SLC4A5: variants seen among roughly 807,000 people sequenced by gnomAD.
SLC4A5 encodes the protein electrogenic sodium bicarbonate cotransporter 4.
Under a neutral mutation model 120.4 loss-of-function variants are expected in SLC4A5, and 96 were observed. The observed-to-expected ratio is 0.80, with a 90% confidence interval of 0.68 to 0.94. SLC4A5 has a LOEUF of 0.94. Ranked by LOEUF, SLC4A5 falls within the 40% of genes least tolerant of loss-of-function variation. The probability of loss-of-function intolerance (pLI) is 0.00; values close to 1 mark genes in which losing one functional copy is unlikely to be tolerated. For synonymous variants in SLC4A5, 550 were observed against 571.1 expected, an observed-to-expected ratio of 0.96 and a Z score of 0.53; for missense variants, 1,259 against 1,459.5, an observed-to-expected ratio of 0.86 and a Z score of 2.24.
At chr2:74,276,353 C>T (rs1671639052) in intron 8 of SLC4A5, among the ~76,000 whole-genome samples, 1 of 152,202 alleles carries the variant, frequency 6.6e-6, no homozygotes, top group Non-Finnish European at 1.5e-5. Flanking sequence ...CCTAACACAA[C>T]ATCCCCTCAA....
At chr2:74,318,014 A>G (rs979405763) in intron 5 of SLC4A5, among the ~76,000 whole-genome samples, 1 of 152,366 alleles carries the variant, frequency 6.6e-6, no homozygotes, top group Non-Finnish European at 1.5e-5. Flanking sequence ...AGAAACCATT[A>G]AAACTATGTA....
chr2:74,283,267 C>G (rs73948732), intron 8 of SLC4A5, among the ~76,000 whole-genome samples: 170 of 152,310 alleles, frequency 1.1e-3, no homozygotes, highest in African/African-American at 4.0e-3. Context: ...GCTACTTGCT[C>G]CCCTTCACCT....
intron 6 of SLC4A5, among the ~76,000 whole-genome samples, chr2:74,312,141 A>G (rs969342134): frequency 2.0e-5 from 3 of 151,416 alleles, no homozygotes; most frequent in African/African-American, 7.3e-5. Flanking sequence ...CTTTCTTTTG[A>G]TTAGTGTTAT....
At position 74,231,270 on chromosome 2, in the gene SLC4A5, G is replaced by A. The variant is rs146676551; in HGVS notation, c.2813C>T (p.Thr938Met). The change falls in exon 25 of 31, where the codon ACG becomes ATG. Residue 938 changes from threonine (T) to methionine (M), a missense_variant. Thr to Met is a moderately conservative substitution (Grantham distance 81, BLOSUM62 -1). Coordinates refer to ENST00000394019, the Ensembl canonical transcript of SLC4A5. The stretch of plus-strand genomic sequence containing the variant: ...GGGAGCCAGGAAGACAGAGATTCCC[G>A]TCAGGATGAAGACGATGATGCCGGT... 1.3e-4 allele frequency: 205 copies of A among 1,612,252 alleles called. 2 individuals are homozygous for A. In the East Asian group the frequency reaches 2.6e-3, roughly 21 times the overall value.
At chr2:74,317,433 T>C (rs1028888444) in intron 5 of SLC4A5, among the ~76,000 whole-genome samples, 3 of 152,060 alleles carry the variant, frequency 2.0e-5, no homozygotes, top group Non-Finnish European at 4.4e-5. Context: ...AAGATAGAAA[T>C]AGGACATCAG....
At position 74,255,614 on chromosome 2, in the gene SLC4A5, A is replaced by G. The variant is rs1670939724; in HGVS notation, c.1025+161T>C. Among the ~76,000 whole-genome samples the G allele has an allele frequency of 6.6e-6, 1 of 152,170 alleles. No individual in the cohort carries two copies. The highest frequency in any genetic ancestry group is 2.4e-5 in the African/African-American group (1 of 41,438). On this transcript the variant is annotated intron_variant, in intron 13 of 30. Coordinates refer to ENST00000394019, the Ensembl canonical transcript of SLC4A5. The surrounding 1 kb of genome is among the most constrained non-coding windows in gnomAD (Gnocchi z 4.0). ...GGCCTCTTTTGTTATTATTTTTAATAAACTCTAAAACTCTTCCCTAGTCAG... is the reference window on the plus strand; with the variant it reads ...GGCCTCTTTTGTTATTATTTTTAATGAACTCTAAAACTCTTCCCTAGTCAG...
chr2:74,307,244 C>A lies in SLC4A5; in HGVS notation c.80-2564G>T, dbSNP rs546907932. 458 of 520,216 alleles carry A rather than the reference C, an allele frequency of 8.8e-4. 4 individuals are homozygous for A. The highest frequency in any genetic ancestry group is 8.0e-3 in the African/African-American group (418 of 52,212). 32.2% of individuals were successfully genotyped at this position (520,216 alleles called of 1,614,324 possible). On this transcript the variant is annotated intron_variant, in intron 6 of 30. Coordinates refer to ENST00000394019, the Ensembl canonical transcript of SLC4A5. ...GCTCCTCTCGGCTCTTCTGAGGCAG[C>A]TAATCATATTGGGCCCAGATGTCTG...
exon 31 of SLC4A5, chr2:74,217,198 ACT>A (rs1694470751): frequency 6.6e-6 from 1 of 152,156 alleles, no homozygotes; most frequent in South Asian, 2.1e-4. Flanking sequence ...AAATATAGTA[ACT>A]CTAACCTCAA....
chr2:74,304,651 C>T, exon 7 of SLC4A5: 1 of 1,613,974 alleles, frequency 6.2e-7, no homozygotes, highest in Non-Finnish European at 8.5e-7. Context: ...TAAGTGGGTA[C>T]TGGAAGCCCA....
At chr2:74,222,796 G>A in intron 29 of SLC4A5, 72 bp downstream of exon 29, 1 of 1,343,902 alleles carries the variant, frequency 7.4e-7, no homozygotes, top group Middle Eastern at 1.8e-4. Flanking sequence ...CTGAGTTACA[G>A]ATGAAAGTTC....
At chr2:74,307,883 A>G in intron 6 of SLC4A5, 1 of 483,292 alleles carries the variant, frequency 2.1e-6, no homozygotes. Context: ...TCCAGGAACC[A>G]GAGCCCCCGG....
chr2:74,292,435 A>G (rs1490168906), intron 7 of SLC4A5, among the ~76,000 whole-genome samples: 1 of 152,174 alleles, frequency 6.6e-6, no homozygotes, highest in Non-Finnish European at 1.5e-5. Flanking sequence ...CCACTGGGTC[A>G]GGGTTTCTCT....
At position 74,227,137 on chromosome 2, in the gene SLC4A5, G is replaced by A. The variant is rs1478397466; in HGVS notation, c.2917-7C>T. On this transcript the variant is annotated splice_polypyrimidine_tract_variant and splice_region_variant and intron_variant, in intron 26 of 30. Transcript: ENST00000394019. ...GCTTGCAGCGTTCCCAGAACTAGGG[G>A]GACAGCGGGGGCTCAGCCAGGCAGC... is the stretch of plus-strand genomic sequence containing the variant. The A allele has an allele frequency of 2.5e-6, 4 of 1,601,540 alleles. No individual in the cohort carries two copies. The highest frequency in any genetic ancestry group is 3.4e-6 in the Non-Finnish European group (4 of 1,174,002).
chr2:74,320,512 C>T (rs920077561), intron 5 of SLC4A5, among the ~76,000 whole-genome samples: 1 of 152,078 alleles, frequency 6.6e-6, no homozygotes, highest in African/African-American at 2.4e-5. Context: ...AAAAGTGAGA[C>T]AAAATTATTT....
intron 25 of SLC4A5, among the ~76,000 whole-genome samples, chr2:74,229,225 C>T (rs1694971765): frequency 6.7e-6 from 1 of 149,560 alleles, no homozygotes; most frequent in Non-Finnish European, 1.5e-5. Context: ...CATGGGCCAC[C>T]ATGCCTGGCC....
intron 6 of SLC4A5, chr2:74,307,350 T>C (rs1672675739): frequency 2.0e-5 from 12 of 592,368 alleles, no homozygotes; most frequent in South Asian, 1.7e-4. Context: ...GGCTTGTAGG[T>C]CTTTTACTTC....
intron 17 of SLC4A5, among the ~76,000 whole-genome samples, chr2:74,249,921 G>T (rs1670739383): frequency 6.6e-6 from 1 of 152,220 alleles, no homozygotes; most frequent in Admixed American, 6.5e-5. Context: ...CTGAGTTGTT[G>T]TCATGGCAAC....
chr2:74,250,296 TGGC>T (rs1670748737), intron 17 of SLC4A5, 44 bp downstream of exon 17: 1 of 1,582,890 alleles, frequency 6.3e-7, no homozygotes, highest in South Asian at 1.1e-5. Flanking sequence ...TGCCACCAGG[TGGC>T]GGCAGATCTT....
chr2:74,331,299 T>C (rs2104342055), intron 4 of SLC4A5, among the ~76,000 whole-genome samples: 1 of 149,768 alleles, frequency 6.7e-6, no homozygotes, highest in African/African-American at 2.5e-5. Context: ...GGTGGTGACG[T>C]CTAGATGGAG....
Sources: allele counts gnomAD v4.1 joint callset (sites outside exome capture counted in the v4.1 genomes callset), GRCh38; gene constraint gnomAD v4.1.1; non-coding constraint Gnocchi (gnomAD v3.1); transcripts MANE v1.5; gene names NCBI Gene and HGNC (gene_info 2026-07-23, HGNC 2026-07-21).